The following CLHC1 variants were observed in gnomAD, a reference collection of about 807,000 sequenced individuals.
The protein encoded by CLHC1 is clathrin heavy chain linker domain containing 1.
In CLHC1, 72 loss-of-function variants were observed where a neutral mutation model predicts 69.5. That is an observed-to-expected ratio of 1.04 (90% CI 0.86 to 1.26). CLHC1 has a LOEUF of 1.26. Among genes scored for constraint, CLHC1 ranks in the 50% most tolerant of loss-of-function variants. CLHC1 has a pLI of 0.00. For synonymous variants in CLHC1, 223 were observed against 224.3 expected, an observed-to-expected ratio of 0.99 and a Z score of 0.05; for missense variants, 790 against 679.3, an observed-to-expected ratio of 1.16 and a Z score of -1.81.
chr2:55,219,116 T>C (rs1573759149), intron 3 of CLHC1, among the ~76,000 whole-genome samples: 2 of 152,286 alleles, frequency 1.3e-5, no homozygotes, highest in Admixed American at 6.5e-5. Flanking sequence ...CTTAATAAAA[T>C]AGAGGTCATC....
Position 55,180,645 on chromosome 2 carries a change from C to T in CLHC1, c.1249G>A (p.Ala417Thr), listed in dbSNP as rs1479455672. The change falls in exon 11 of 13, where the codon GCC (alanine) becomes ACC (threonine). Residue 417 changes from alanine (A) to threonine (T), a missense_variant. By Grantham distance (58) the Ala-to-Thr change is moderately conservative (BLOSUM62 0). Transcript: ENST00000401408. ...DYGEQDTYNK[A>T]KCLALAQIVY... The stretch of plus-strand genomic sequence containing the variant: ...ATCTGAGCTAAAGCCAGGCACTTGG[C>T]CTTGTTATAAGTATCCTGCTCCCCA... The T allele has an allele frequency of 6.2e-6, 10 of 1,614,014 alleles. No individual in the cohort carries two copies. Among genetic ancestry groups the T allele is most frequent in the Non-Finnish European group, 8.5e-6 (10 of 1,179,942 alleles).
At chr2:55,200,233 A>AAAAC (rs1671811404) in intron 9 of CLHC1, among the ~76,000 whole-genome samples, 1 of 139,738 alleles carries the variant, frequency 7.2e-6, no homozygotes, top group African/African-American at 2.7e-5. Flanking sequence ...CTTAAAAAAA[A>AAAAC]AAAAAAAAAA....
chr2:55,182,200 G>A (rs1670001460), intron 9 of CLHC1, among the ~76,000 whole-genome samples: 1 of 152,152 alleles, frequency 6.6e-6, no homozygotes. Flanking sequence ...CAGATACACA[G>A]AGGATAAAAT....
intron 9 of CLHC1, among the ~76,000 whole-genome samples, chr2:55,194,916 T>A (rs979534789): frequency 4.0e-5 from 6 of 150,924 alleles, no homozygotes; most frequent in African/African-American, 7.3e-5. Flanking sequence ...CTTAGCAACT[T>A]TTTTTTTTCT....
In CLHC1 at chr2:55,180,687, C is replaced by T; in HGVS notation, c.1207G>A (p.Asp403Asn). 4 of 1,613,962 alleles carry T rather than the reference C, an allele frequency of 2.5e-6. No individual in the cohort carries two copies. The Middle Eastern group carries it at 4.9e-4, about 200-fold the overall frequency. The change falls in exon 11 of 13, where the codon GAT becomes AAT. Residue 403 changes from aspartate to asparagine, a missense_variant. Coordinates refer to ENST00000401408, the MANE Select transcript of CLHC1 (RefSeq NM_152385.4). ...TGCTCCCCATAATCACAAATCACAT[C>T]CCCAGCCTCCTCAGAAAATGTCAGT... Reference protein sequence around the residue: ...ERLTFSEEAGDVICDYGEQDT... With the variant: ...ERLTFSEEAGNVICDYGEQDT...
chr2:55,177,790 A>C lies in CLHC1; in HGVS notation c.1385-9T>G. On this transcript the variant is annotated splice_polypyrimidine_tract_variant and intron_variant, in intron 11 of 12. Coordinates refer to ENST00000401408, the MANE Select transcript of CLHC1 (RefSeq NM_152385.4). The stretch of plus-strand genomic sequence containing the variant: ...TAGCTGCAACAGGTCATCTGAAGGC[A>C]AAAATGAAAAAGTTTATCTCAATGT... The C allele has an allele frequency of 2.5e-6, 4 of 1,593,650 alleles. No homozygotes were observed. Among genetic ancestry groups the C allele is most frequent in the Non-Finnish European group, 3.4e-6 (4 of 1,170,136 alleles).
chr2:55,210,307 C>G (rs1269292177), intron 5 of CLHC1, among the ~76,000 whole-genome samples: 1 of 152,070 alleles, frequency 6.6e-6, no homozygotes, highest in Non-Finnish European at 1.5e-5. Flanking sequence ...AGCAATTCTC[C>G]TGCCTCAACT....
At chr2:55,202,270 A>AG (rs1672018515) in intron 9 of CLHC1, among the ~76,000 whole-genome samples, 1 of 151,050 alleles carries the variant, frequency 6.6e-6, no homozygotes, top group Non-Finnish European at 1.5e-5. Context: ...AAAAAAAAAA[A>AG]CCTAGCTGGG....
chr2:55,208,208 G>C (rs1299446878), intron 8 of CLHC1, among the ~76,000 whole-genome samples: 6 of 152,128 alleles, frequency 3.9e-5, no homozygotes. Context: ...TTGGATTTCA[G>C]ATTTTTTCAT....
intron 2 of CLHC1, chr2:55,225,835 A>G (rs11686867): frequency 0.36 from 55,017 of 152,040 alleles, 12,102 homozygotes; most frequent in East Asian, 0.54. Flanking sequence ...TCTGAGAGGC[A>G]GGAACTGCTG....
At chr2:55,177,839 A>G in intron 11 of CLHC1, 58 bp from the exon 12 acceptor site, 1 of 1,278,590 alleles carries the variant, frequency 7.8e-7, no homozygotes, top group Non-Finnish European at 1.1e-6. Context: ...ATCAACTAGA[A>G]ACTAGGACTA....
At chr2:55,207,474 G>A (rs958284098) in intron 8 of CLHC1, among the ~76,000 whole-genome samples, 6 of 152,174 alleles carry the variant, frequency 3.9e-5, no homozygotes, top group Non-Finnish European at 7.3e-5. Flanking sequence ...GCATTACAGT[G>A]TAAGGAAATA....
At chr2:55,186,178 C>A (rs1189717766) in intron 9 of CLHC1, among the ~76,000 whole-genome samples, 2 of 152,070 alleles carry the variant, frequency 1.3e-5, no homozygotes, top group Non-Finnish European at 2.9e-5. Context: ...TTCAGGAAGT[C>A]AAAGCCAACA....
intron 9 of CLHC1, among the ~76,000 whole-genome samples, chr2:55,199,337 G>A: frequency 6.8e-6 from 1 of 146,708 alleles, no homozygotes. Context: ...GCTGAGGGGA[G>A]TACTTCAATC....
chr2:55,192,797 A>C (rs1671052071), intron 9 of CLHC1, among the ~76,000 whole-genome samples: 1 of 152,028 alleles, frequency 6.6e-6, no homozygotes, highest in Non-Finnish European at 1.5e-5. Context: ...CTGGACCCCT[A>C]CCTCACATCA....
At chr2:55,176,696 A>G (rs1168021200) in intron 12 of CLHC1, among the ~76,000 whole-genome samples, 2 of 152,318 alleles carry the variant, frequency 1.3e-5, no homozygotes, top group Admixed American at 1.3e-4. Context: ...TGTCATCACT[A>G]TAATTTTATT....
intron 9 of CLHC1, among the ~76,000 whole-genome samples, chr2:55,199,687 T>C (rs895798255): frequency 2.0e-5 from 3 of 152,128 alleles, no homozygotes; most frequent in Admixed American, 2.0e-4. Flanking sequence ...TAATGGGTTA[T>C]AAGATATTAT....
intron 9 of CLHC1, among the ~76,000 whole-genome samples, chr2:55,184,334 G>C (rs1334391337): frequency 6.6e-6 from 1 of 151,860 alleles, no homozygotes; most frequent in Admixed American, 6.6e-5. Context: ...TTGAACTTCT[G>C]GGCCAAGCAA....
At chr2:55,211,318 G>A (rs571954954) in intron 5 of CLHC1, among the ~76,000 whole-genome samples, 3 of 151,952 alleles carry the variant, frequency 2.0e-5, no homozygotes, top group African/African-American at 7.2e-5. Flanking sequence ...TGGCTAACAC[G>A]GTGAAACCCC....
Sources: gnomAD v4.1 joint callset for allele counts (sites outside exome capture counted in the v4.1 genomes callset) on GRCh38, gnomAD v4.1.1 for gene constraint, MANE v1.5 for transcripts, NCBI Gene and HGNC (gene_info 2026-07-23, HGNC 2026-07-21) for gene names.